PLCD3: variants seen among roughly 807,000 people sequenced by gnomAD.
The protein encoded by PLCD3 is 1-phosphatidylinositol 4,5-bisphosphate phosphodiesterase delta-3.
PLCD3 carries 62 observed loss-of-function variants against 82.8 expected under a neutral mutation model. That is an observed-to-expected ratio of 0.75 (90% CI 0.61 to 0.93). The LOEUF (loss-of-function observed/expected upper bound fraction) is 0.93. Ranked by LOEUF, PLCD3 falls within the 40% of genes least tolerant of loss-of-function variation. The pLI, the probability that PLCD3 is intolerant of heterozygous loss-of-function variation, is 0.00. For missense variants in PLCD3, 1,023 were observed against 1,103.4 expected (o/e 0.93, Z 1.03); for synonymous variants, 478 against 471.8 (o/e 1.01, Z -0.17).
chr17:45,114,581 C>T lies in PLCD3; in HGVS notation c.1712-215G>A, dbSNP rs2054274607. The T allele has an allele frequency of 5.8e-6, 3 of 516,924 alleles. No individual in the cohort carries two copies. In the Admixed American group the frequency reaches 1.2e-4, roughly 20 times the overall value. The allele number at this position is 516,924 out of a possible 1,614,324, so 32.0% of individuals were successfully genotyped here. A position where few individuals can be genotyped will look rare whatever the true frequency, so the allele number is the denominator to read the frequency against. On this transcript the variant is annotated intron_variant, in intron 10 of 14. Coordinates refer to ENST00000619929, the MANE Select transcript of PLCD3 (RefSeq NM_133373.5). ...CAGCCTGGCCCTGCATCCCCAGCCC[C>T]CAATTCCCAGCTCCTGACAAAGTTC...
intron 11 of PLCD3, 24 bp downstream of exon 11, chr17:45,114,226 C>T (rs933462385): frequency 6.6e-7 from 1 of 1,507,836 alleles, no homozygotes; most frequent in Non-Finnish European, 8.9e-7. Flanking sequence ...CCCGCCTGCT[C>T]TCATTCCTGT....
chr17:45,121,121 T>G lies in PLCD3; in HGVS notation c.335A>C (p.Gln112Pro). 1 of 1,527,040 alleles carries G rather than the reference T, an allele frequency of 6.5e-7. No homozygotes were observed. 94.6% of individuals were successfully genotyped at this position (1,527,040 alleles called of 1,614,324 possible). Reference sequence around the variant, plus strand: ...GCCCTCGCGGACCGCCTCGATGTGCTGCACGAAGACTGAGAGGAGGGCCGG... The same window carrying G: ...GCCCTCGCGGACCGCCTCGATGTGCGGCACGAAGACTGAGAGGAGGGCCGG... ...RAPSQHIFFV[Q>P]HIEAVREGHQ... Residue 112 changes from glutamine to proline, a missense_variant, in exon 3 of 15, where the codon CAG becomes CCG. Transcript: ENST00000619929.
At position 45,121,246 on chromosome 17, in the gene PLCD3, T is replaced by C; in HGVS notation, c.290A>G (p.Gln97Arg). The change falls in exon 2 of 15, where the codon CAG becomes CGG. Residue 97 changes from glutamine (Q) to arginine (R), a missense_variant. By Grantham distance (43) the Gln-to-Arg change is conservative. Coordinates refer to ENST00000619929, the MANE Select transcript of PLCD3 (RefSeq NM_133373.5). ...LQEDGLSVWFQRRIPRAPSQH... is the reference protein window; with the variant it reads ...LQEDGLSVWFRRRIPRAPSQH... Reference sequence around the variant, plus strand: ...CGATGGCGCACGCGGGATGCGCCGCTGGAACCACACGCTCAGGCCGTCCTC... The same window carrying C: ...CGATGGCGCACGCGGGATGCGCCGCCGGAACCACACGCTCAGGCCGTCCTC... 1.3e-6 allele frequency: 2 copies of C among 1,592,138 alleles called. No homozygotes were observed. Among genetic ancestry groups the C allele is most frequent in the Non-Finnish European group, 1.7e-6 (2 of 1,177,216 alleles).
Position 45,111,391 on chromosome 17 carries a change from T to A in PLCD3, c.*1225A>T, listed in dbSNP as rs1259440633. On this transcript the variant is annotated 3_prime_UTR_variant, in exon 15 of 15. Transcript: ENST00000619929. ...ATGTGTGAGTGTGTGTGTGTGTGTGTGTGTGTGTGTGTTGTGGGGAGGCGC... is the reference window on the plus strand; with the variant it reads ...ATGTGTGAGTGTGTGTGTGTGTGTGAGTGTGTGTGTGTTGTGGGGAGGCGC... 3 of 152,432 alleles carry A rather than the reference T, an allele frequency of 2.0e-5. No individual in the cohort carries two copies. The highest frequency in any genetic ancestry group is 7.3e-5 in the African/African-American group (3 of 41,240). The allele number at this position is 152,432 out of a possible 1,614,324, so 9.4% of individuals were successfully genotyped here.
Position 45,128,140 on chromosome 17 carries a change from G to T in PLCD3, c.163+4108C>A, listed in dbSNP as rs551828414. On this transcript the variant is annotated intron_variant, in intron 1 of 14. Transcript: ENST00000619929. ...CATGTCCCCCGTGACCCAGCTGGCT[G>T]CCACACCCAGGGCTGGAGCCTGGCG... is the stretch of plus-strand genomic sequence containing the variant. 3.3e-5 allele frequency among the ~76,000 whole-genome samples: 5 copies of T among 152,298 alleles called. No individual in the cohort carries two copies. The South Asian group carries it at 1.0e-3, about 32-fold the overall frequency.
rs752349706 is a variant in PLCD3, at chr17:45,121,352, C to A, written c.184G>T (p.Val62Leu). The change falls in exon 2 of 15, where the codon GTG (valine) becomes TTG (leucine). Residue 62 changes from valine to leucine, a missense_variant. By Grantham distance (32) the Val-to-Leu change is conservative (BLOSUM62 1). Coordinates refer to ENST00000619929, the MANE Select transcript of PLCD3 (RefSeq NM_133373.5). Reference protein sequence around the residue: ...KKMGLTEDEDVRAMLRGSRLR... With the variant: ...KKMGLTEDEDLRAMLRGSRLR... The stretch of plus-strand genomic sequence containing the variant: ...CGGGAGCCCCGCAGCATGGCGCGCA[C>A]GTCCTCGTCCTCCGTCAGGCCTGGC... 15 of 1,533,344 alleles carry A rather than the reference C, an allele frequency of 9.8e-6. No individual in the cohort carries two copies. The highest frequency in any genetic ancestry group is 1.4e-5 in the African/African-American group (1 of 72,714). 95.0% of individuals were successfully genotyped at this position (1,533,344 alleles called of 1,614,324 possible).
At chr17:45,131,128 C>T (rs2054433666) in intron 1 of PLCD3, among the ~76,000 whole-genome samples, 1 of 152,224 alleles carries the variant, frequency 6.6e-6, no homozygotes, top group African/African-American at 2.4e-5. Context: ...AGATGGTGTC[C>T]TATGTCTCAG....
chr17:45,112,816 AGGACCT>A (rs1482262638), intron 14 of PLCD3, 41 bp downstream of exon 14: 5 of 1,606,890 alleles, frequency 3.1e-6, no homozygotes, highest in African/African-American at 2.7e-5. Context: ...CAGGGTCTGC[AGGACCT>A]GGACCCACAT....
In PLCD3 at chr17:45,113,206, T is replaced by C; in HGVS notation, c.2047A>G (p.Ile683Val). ...TCAATGCGCACCAGGGGGTCCACAA[T>C]GGAGTGTGGCTTCTCGGCATTCAGC... ...PKLNAEKPHS[I>V]VDPLVRIEIH... Residue 683 changes from isoleucine to valine, a missense_variant, in exon 13 of 15, where the codon ATT becomes GTT. Ile to Val is a conservative substitution (Grantham distance 29). This residue lies in a region of PLCD3 where 553 missense variants were observed against 655.7 expected (regional missense o/e 0.84). Coordinates refer to ENST00000619929, the MANE Select transcript of PLCD3 (RefSeq NM_133373.5). The C allele has an allele frequency of 6.2e-7, 1 of 1,611,472 alleles. No individual in the cohort carries two copies. Among genetic ancestry groups the C allele is most frequent in the South Asian group, 1.1e-5 (1 of 90,446 alleles).
chr17:45,116,721 T>C lies in PLCD3; in HGVS notation c.1324A>G (p.Met442Val), dbSNP rs754660476. The change falls in exon 8 of 15, where the codon ATG (methionine) becomes GTG (valine). Residue 442 changes from methionine to valine, a missense_variant. By Grantham distance (21) the Met-to-Val change is conservative. This residue lies in a region of PLCD3 where 553 missense variants were observed against 655.7 expected (regional missense o/e 0.84). Coordinates refer to ENST00000619929, the MANE Select transcript of PLCD3 (RefSeq NM_133373.5). ...AGGATGGTGCAGAGGTGGCGGGCCA[T>C]GGCAGCCTGCTGCTCCAGCCCGCAG... ...NHCGLEQQAA[M>V]ARHLCTILGD... The C allele has an allele frequency of 6.2e-7, 1 of 1,610,408 alleles. No homozygotes were observed. Among genetic ancestry groups the C allele is most frequent in the Admixed American group, 1.7e-5 (1 of 59,746 alleles).
In PLCD3 at chr17:45,118,911, G is replaced by A. The variant is rs542022368; in HGVS notation, c.817C>T (p.Pro273Ser). ...TCCTCCAGGAACTCCAGCAGCTCAGGGGCACTCAGCACGCGGTCCTCGCCC... is the reference window on the plus strand; with the variant it reads ...TCCTCCAGGAACTCCAGCAGCTCAGAGGCACTCAGCACGCGGTCCTCGCCC... ...YSGEDRVLSA[P>S]ELLEFLEDQG... Residue 273 changes from proline to serine, a missense_variant, in exon 5 of 15, where the codon CCT becomes TCT. Coordinates refer to ENST00000619929, the MANE Select transcript of PLCD3 (RefSeq NM_133373.5). The surrounding 1 kb of genome is among the most constrained non-coding windows in gnomAD (Gnocchi z 4.1). 33 of 1,612,714 alleles carry A rather than the reference G, an allele frequency of 2.0e-5. No homozygotes were observed. In the East Asian group the frequency reaches 4.0e-4, roughly 20 times the overall value.
rs967787231 is a variant in PLCD3, at chr17:45,112,454, C to G, written c.*162G>C. The G allele has an allele frequency of 1.2e-5, 9 of 768,858 alleles. No individual in the cohort carries two copies. The African/African-American group carries it at 1.5e-4, about 13-fold the overall frequency. 47.6% of individuals were successfully genotyped at this position (768,858 alleles called of 1,614,324 possible). A position where few individuals can be genotyped will look rare whatever the true frequency, so the allele number is the denominator to read the frequency against. Reference sequence around the variant, plus strand: ...TTCTTCAGGAGGGGCCCAGGCAGCCCTCAGCACCCAGGTGAGACCAGCGCC... The same window carrying G: ...TTCTTCAGGAGGGGCCCAGGCAGCCGTCAGCACCCAGGTGAGACCAGCGCC... On this transcript the variant is annotated 3_prime_UTR_variant, in exon 15 of 15. Transcript: ENST00000619929.
At chr17:45,121,520 T>C in intron 1 of PLCD3, 148 bp from the exon 2 acceptor site, 1 of 998,822 alleles carries the variant, frequency 1.0e-6, no homozygotes. Context: ...CTCACAGGAC[T>C]CCCCTCCTCC....
chr17:45,113,014 T>TAGGGCACAGGGATGGCAGTC lies in PLCD3; in HGVS notation c.2132-22_2132-3dup. On this transcript the variant is annotated splice_region_variant and splice_polypyrimidine_tract_variant and intron_variant, in intron 13 of 14. Transcript: ENST00000619929. ...TCTGCCCCCAGCGGGGGTTGAAGCC[T>TAGGGCACAGGGATGGCAGTC]AGGGCACAGGGATGGCAGTCAGAGC... 1 of 1,604,284 alleles carries TAGGGCACAGGGATGGCAGTC rather than the reference T, an allele frequency of 6.2e-7. No individual in the cohort carries two copies. Among genetic ancestry groups the TAGGGCACAGGGATGGCAGTC allele is most frequent in the Non-Finnish European group, 8.5e-7 (1 of 1,174,082 alleles).
chr17:45,112,491 C>A lies in PLCD3; in HGVS notation c.*125G>T. The A allele has an allele frequency of 9.3e-7, 1 of 1,072,842 alleles. No homozygotes were observed. Among genetic ancestry groups the A allele is most frequent in the Non-Finnish European group, 1.4e-6 (1 of 728,730 alleles). 66.5% of individuals were successfully genotyped at this position (1,072,842 alleles called of 1,614,324 possible). A position where few individuals can be genotyped will look rare whatever the true frequency, so the allele number is the denominator to read the frequency against. On this transcript the variant is annotated 3_prime_UTR_variant, in exon 15 of 15. Coordinates refer to ENST00000619929, the MANE Select transcript of PLCD3 (RefSeq NM_133373.5). ...GTGAGACCAGCGCCTGGTGAATGGG[C>A]TGAGTGGGCCAAGTGGGTGGGCTGG...
Position 45,132,309 on chromosome 17 carries a change from G to T in PLCD3, c.102C>A (p.Ser34=), listed in dbSNP as rs771086727. Residue 34 remains serine (S), a synonymous_variant, in exon 1 of 15, where the codon TCC becomes TCA. Coordinates refer to ENST00000619929, the MANE Select transcript of PLCD3 (RefSeq NM_133373.5). The surrounding 1 kb of genome is among the most constrained non-coding windows in gnomAD (Gnocchi z 4.6). ...AQVAAPVALP[S]PPTPSDGGTK... ...TGCCGCCATCGGAGGGAGTCGGCGG[G>T]GACGGGAGAGCGACCGGCGCCGCGA... The T allele has an allele frequency of 2.6e-5, 33 of 1,254,532 alleles. No individual in the cohort carries two copies. The African/African-American group carries it at 4.7e-4, about 18-fold the overall frequency. 77.7% of individuals were successfully genotyped at this position (1,254,532 alleles called of 1,614,324 possible). A position where few individuals can be genotyped will look rare whatever the true frequency, so the allele number is the denominator to read the frequency against.
chr17:45,124,398 G>A (rs968481809), intron 1 of PLCD3, among the ~76,000 whole-genome samples: 8 of 152,240 alleles, frequency 5.3e-5, no homozygotes, highest in African/African-American at 1.9e-4. Context: ...AGGCTGCCCC[G>A]CAAACTGGCA....
intron 1 of PLCD3, among the ~76,000 whole-genome samples, chr17:45,123,926 C>T (rs1054567132): frequency 4.0e-5 from 6 of 150,232 alleles, no homozygotes; most frequent in African/African-American, 1.2e-4. Flanking sequence ...TGGGTGTACA[C>T]GGCACGTGCC....
At position 45,116,625 on chromosome 17, in the gene PLCD3, G is replaced by A. The variant is rs1567878885; in HGVS notation, c.1413+7C>T. ...CTCCACCCAGGCTAGGGGCTGGGGG[G>A]CGTCACCTCTGGGGATGGCAGCTCC... is the stretch of plus-strand genomic sequence containing the variant. On this transcript the variant is annotated splice_region_variant and intron_variant, in intron 8 of 14. Transcript: ENST00000619929. 1.9e-6 allele frequency: 3 copies of A among 1,569,896 alleles called. No homozygotes were observed. Among genetic ancestry groups the A allele is most frequent in the Non-Finnish European group, 1.7e-6 (2 of 1,156,048 alleles).
Sources: allele counts gnomAD v4.1 joint callset (sites outside exome capture counted in the v4.1 genomes callset), GRCh38; gene constraint gnomAD v4.1.1; regional missense constraint gnomAD v4.1.1; non-coding constraint Gnocchi (gnomAD v3.1); transcripts MANE v1.5; gene names NCBI Gene and HGNC (gene_info 2026-07-23, HGNC 2026-07-21).